The following NCOA3 variants were observed in gnomAD, a reference collection of about 807,000 sequenced individuals.
NCOA3 encodes nuclear receptor coactivator 3.
Under a neutral mutation model 158.8 loss-of-function variants are expected in NCOA3, and 51 were observed. That is an observed-to-expected ratio of 0.32 (90% CI 0.26 to 0.41). NCOA3 has a LOEUF of 0.41. Among genes scored for constraint, NCOA3 ranks in the 10% least tolerant of loss-of-function variants. The pLI, the probability that NCOA3 is intolerant of heterozygous loss-of-function variation, is 1.00. For missense variants in NCOA3, 1,510 were observed against 1,746.6 expected (o/e 0.86, Z 2.41); for synonymous variants, 537 against 592.4 (o/e 0.91, Z 1.36).
At chr20:47,591,133 G>GA (rs1367640609) in intron 2 of NCOA3, among the ~76,000 whole-genome samples, 1 of 151,942 alleles carries the variant, frequency 6.6e-6, no homozygotes, top group African/African-American at 2.4e-5. Context: ...AAAGACAAAA[G>GA]AAAAAACAAA....
chr20:47,506,456 C>T (rs574368511), intron 1 of NCOA3, among the ~76,000 whole-genome samples: 1 of 152,258 alleles, frequency 6.6e-6, no homozygotes, highest in Admixed American at 6.5e-5. Context: ...GATGGGAGAC[C>T]TGCAGTGTGT....
intron 1 of NCOA3, among the ~76,000 whole-genome samples, chr20:47,516,814 C>A (rs142071182): frequency 6.6e-6 from 1 of 151,944 alleles, no homozygotes; most frequent in Non-Finnish European, 1.5e-5. Flanking sequence ...GTAGTCCAAG[C>A]TGCTCGGGAG....
In NCOA3 at chr20:47,537,449, G is replaced by A. The variant is rs371054741; in HGVS notation, c.-99+35430G>A. ...TGATAATCGGCGGGGGTGGGGGGGG[G>A]AAGTGTTGGGAAAACAGGTGTGAGC... On this transcript the variant is annotated intron_variant, in intron 1 of 22. Transcript: ENST00000371998. Among the ~76,000 whole-genome samples, 11 of 142,104 alleles carry A rather than the reference G, an allele frequency of 7.7e-5. No homozygotes were observed. The East Asian group carries it at 9.4e-4, about 12-fold the overall frequency. The allele number at this position is 142,104 out of a possible 152,430, so 93.2% of individuals were successfully genotyped here. A position where few individuals can be genotyped will look rare whatever the true frequency, so the allele number is the denominator to read the frequency against.
intron 1 of NCOA3, among the ~76,000 whole-genome samples, chr20:47,539,802 G>A (rs1038202960): frequency 6.6e-6 from 1 of 152,192 alleles, no homozygotes; most frequent in Non-Finnish European, 1.5e-5. Flanking sequence ...TGGGATTACA[G>A]GTGTGAGCCA....
chr20:47,504,511 T>C lies in NCOA3; in HGVS notation c.-99+2492T>C, dbSNP rs1344885671. On this transcript the variant is annotated intron_variant, in intron 1 of 22. Transcript: ENST00000371998. ...TTTTTTTTTTTTTTTTTTAACGAAT[T>C]CAGTTCTTTCTGCCGGGCTGCAGTG... Among the ~76,000 whole-genome samples, 14 of 142,604 alleles carry C rather than the reference T, an allele frequency of 9.8e-5. No individual in the cohort carries two copies. The Admixed American group carries it at 1.0e-3, about 10-fold the overall frequency. The allele number at this position is 142,604 out of a possible 152,430, so 93.6% of individuals were successfully genotyped here.
At chr20:47,649,759 A>T (rs986907978) in intron 19 of NCOA3, among the ~76,000 whole-genome samples, 1 of 152,126 alleles carries the variant, frequency 6.6e-6, no homozygotes, top group Non-Finnish European at 1.5e-5. Context: ...TGATATTTAC[A>T]TTTTCTTGAT....
chr20:47,592,659 A>G (rs968928386), intron 2 of NCOA3, among the ~76,000 whole-genome samples: 16 of 152,226 alleles, frequency 1.1e-4, no homozygotes, highest in South Asian at 4.1e-4. Flanking sequence ...TTTTCTTTCC[A>G]TAATGCCATG....
chr20:47,572,358 T>G (rs2085306872), intron 1 of NCOA3, among the ~76,000 whole-genome samples: 2 of 151,986 alleles, frequency 1.3e-5, no homozygotes. Flanking sequence ...GAGATGTGAT[T>G]GCACCACTGC....
chr20:47,521,230 T>G (rs1253756477), intron 1 of NCOA3, among the ~76,000 whole-genome samples: 2 of 152,178 alleles, frequency 1.3e-5, no homozygotes, highest in African/African-American at 4.8e-5. Flanking sequence ...GGGGTGCACC[T>G]CCTCACAAGA....
Position 47,627,973 on chromosome 20 carries a change from G to T in NCOA3, c.773G>T (p.Arg258Ile). The T allele has an allele frequency of 6.2e-7, 1 of 1,613,896 alleles. No individual in the cohort carries two copies. Among genetic ancestry groups the T allele is most frequent in the Non-Finnish European group, 8.5e-7 (1 of 1,179,968 alleles). ...CVARRITTGE[R>I]TFPSNPESFI... ...GCACGCCGCATTACTACAGGAGAAA[G>T]AACATTTCCATCAAACCCTGAGAGC... The change falls in exon 8 of 23, where the codon AGA (arginine) becomes ATA (isoleucine). Residue 258 changes from arginine (R) to isoleucine (I), a missense_variant. This residue lies in a region of NCOA3 where 309 missense variants were observed against 427.1 expected (regional missense o/e 0.72). Transcript: ENST00000371998.
At chr20:47,559,802 T>C (rs2085069348) in intron 1 of NCOA3, among the ~76,000 whole-genome samples, 1 of 152,052 alleles carries the variant, frequency 6.6e-6, no homozygotes, top group Non-Finnish European at 1.5e-5. Context: ...AGGCACACCC[T>C]ACCACACCTG....
At chr20:47,510,820 C>T (rs1301826771) in intron 1 of NCOA3, among the ~76,000 whole-genome samples, 2 of 151,998 alleles carry the variant, frequency 1.3e-5, no homozygotes, top group Non-Finnish European at 2.9e-5. Flanking sequence ...TGGGATCAAG[C>T]GATCCTTCTG....
intron 1 of NCOA3, among the ~76,000 whole-genome samples, chr20:47,528,001 A>C (rs1319029556): frequency 6.6e-6 from 1 of 151,950 alleles, no homozygotes; most frequent in East Asian, 1.9e-4. Context: ...TAGGAAAAAA[A>C]CTCATTTTTT....
At position 47,652,979 on chromosome 20, in the gene NCOA3, T is replaced by C. The variant is rs766910486; in HGVS notation, c.4170T>C (p.Tyr1390=). The change falls in exon 22 of 23, where the codon TAT becomes TAC. Residue 1390 remains tyrosine (Y), a synonymous_variant. Transcript: ENST00000371998. ...CCCACCAGGGGAATCCTGCAGTGTATAGTATGGTGCACATGAATGGCAGCA... is the reference window on the plus strand; with the variant it reads ...CCCACCAGGGGAATCCTGCAGTGTACAGTATGGTGCACATGAATGGCAGCA... ...QFAHQGNPAV[Y]SMVHMNGSSG... 8 of 1,614,204 alleles carry C rather than the reference T, an allele frequency of 5.0e-6. No homozygotes were observed. Among genetic ancestry groups the C allele is most frequent in the Non-Finnish European group, 3.4e-6 (4 of 1,180,016 alleles).
Position 47,624,088 on chromosome 20 carries a change from TAAA to T in NCOA3, c.256+8_256+10del. 1 of 1,597,430 alleles carries T rather than the reference TAAA, an allele frequency of 6.3e-7. No homozygotes were observed. Among genetic ancestry groups the T allele is most frequent in the Non-Finnish European group, 8.5e-7 (1 of 1,172,694 alleles). ...TACGTCAAATAAAAGAGCAAGGTAA[TAAA>T]AACACTCATGTCTTTTTGAACAGTG... On this transcript the variant is annotated splice_donor_region_variant and intron_variant, in intron 4 of 22. Coordinates refer to ENST00000371998, the MANE Select transcript of NCOA3 (RefSeq NM_181659.3).
At chr20:47,558,194 G>T (rs1009567744) in intron 1 of NCOA3, among the ~76,000 whole-genome samples, 1 of 147,300 alleles carries the variant, frequency 6.8e-6, no homozygotes, top group Admixed American at 6.8e-5. Flanking sequence ...GAGTAGCTAG[G>T]ATTATAGGCA....
chr20:47,654,467 G>A lies in NCOA3; in HGVS notation c.*1050G>A. The A allele has an allele frequency of 6.6e-6, 1 of 152,508 alleles. No individual in the cohort carries two copies. The highest frequency in any genetic ancestry group is 1.9e-4 in the East Asian group (1 of 5,198). 9.4% of individuals were successfully genotyped at this position (152,508 alleles called of 1,614,324 possible). A position where few individuals can be genotyped will look rare whatever the true frequency, so the allele number is the denominator to read the frequency against. ...GGTCACAACAACTCATTTTTACAGA[G>A]TTTGTGAAGCTAAATATTTAACATT... On this transcript the variant is annotated 3_prime_UTR_variant, in exon 23 of 23. Coordinates refer to ENST00000371998, the MANE Select transcript of NCOA3 (RefSeq NM_181659.3).
rs985903097 is a variant in NCOA3 at position 47,538,146 on chromosome 20, C to T, written c.-99+36127C>T. 5.3e-5 allele frequency among the ~76,000 whole-genome samples: 8 copies of T among 152,060 alleles called. 1 individual carries two copies. The highest frequency in any genetic ancestry group is 1.2e-4 in the Non-Finnish European group (8 of 68,002). On this transcript the variant is annotated intron_variant, in intron 1 of 22. Transcript: ENST00000371998. ...CCACCCACCTTGGCCTCCCAAAGTG[C>T]TAGGATTACAGGCATGAACCACCGC...
At position 47,635,533 on chromosome 20, in the gene NCOA3, T is replaced by C; in HGVS notation, c.1324T>C (p.Leu442=). ...RYGGSSNIAS[L]TPGPGMQSPS... is the part of the protein sequence containing the mutation. ...TGGGGGTTCCAGTAACATAGCTTCA[T>C]TGACCCCTGGGCCAGGCATGCAATC... Residue 442 remains leucine, a synonymous_variant, in exon 11 of 23, where the codon TTG becomes CTG. Coordinates refer to ENST00000371998, the MANE Select transcript of NCOA3 (RefSeq NM_181659.3). The C allele has an allele frequency of 6.2e-7, 1 of 1,614,100 alleles. No individual in the cohort carries two copies. The highest frequency in any genetic ancestry group is 1.3e-5 in the African/African-American group (1 of 75,012).
Sources: gnomAD v4.1 joint callset for allele counts (sites outside exome capture counted in the v4.1 genomes callset) on GRCh38, gnomAD v4.1.1 for gene constraint, gnomAD v4.1.1 regional missense constraint, MANE v1.5 for transcripts, NCBI Gene and HGNC (gene_info 2026-07-23, HGNC 2026-07-21) for gene names.